Variants in TMEM67 observed in about 807,000 individuals in gnomAD.
The protein encoded by TMEM67 is transmembrane protein 67.
A neutral mutation model predicts 136.6 loss-of-function variants in TMEM67; 124 were observed. That is an observed-to-expected ratio of 0.91 (90% CI 0.78 to 1.05). The LOEUF (loss-of-function observed/expected upper bound fraction) is 1.05, where lower values mean the gene tolerates loss of function less well. Ranked by LOEUF, TMEM67 falls within the 50% of genes least tolerant of loss-of-function variation. The pLI is 0.00. For synonymous variants in TMEM67, 364 were observed against 390.5 expected, an observed-to-expected ratio of 0.93 and a Z score of 0.80; for missense variants, 1,107 against 1,178.4, an observed-to-expected ratio of 0.94 and a Z score of 0.89.
At chr8:93,796,554 C>T (rs1286873723) in intron 18 of TMEM67, among the ~76,000 whole-genome samples, 1 of 152,164 alleles carries the variant, frequency 6.6e-6, no homozygotes, top group Non-Finnish European at 1.5e-5. Flanking sequence ...GTATCTCATA[C>T]TTAGATTTTT....
At chr8:93,798,919 A>G (rs1563473366) in intron 20 of TMEM67, among the ~76,000 whole-genome samples, 1 of 148,874 alleles carries the variant, frequency 6.7e-6, no homozygotes, top group Admixed American at 6.7e-5. Context: ...GTTACCTCAC[A>G]TCTTTTCTTT....
Position 93,768,723 on chromosome 8 carries a change from G to C in TMEM67, c.651+3077G>C, listed in dbSNP as rs577616980. On this transcript the variant is annotated intron_variant, in intron 6 of 27. Coordinates refer to ENST00000453321, the MANE Select transcript of TMEM67 (RefSeq NM_153704.6). ...TAAGTTTTAAGTATCTTCTCCAGGG[G>C]TGAGGAATCTGGGGTTCATTATCCT... 5.9e-5 allele frequency among the ~76,000 whole-genome samples: 9 copies of C among 152,170 alleles called. No individual in the cohort carries two copies. The South Asian group carries it at 1.9e-3, about 32-fold the overall frequency.
At chr8:93,756,109 G>C (rs1046118157) in intron 2 of TMEM67, 2 of 379,644 alleles carry the variant, frequency 5.3e-6, no homozygotes, top group African/African-American at 2.1e-5. Context: ...AAAAATTTAA[G>C]TTTTTGTTTT....
At chr8:93,776,337 C>G (rs1813540411) in intron 7 of TMEM67, among the ~76,000 whole-genome samples, 1 of 152,108 alleles carries the variant, frequency 6.6e-6, no homozygotes, top group African/African-American at 2.4e-5. Context: ...ATTGAATACC[C>G]TTTATTTCTT....
chr8:93,791,107 T>A, intron 14 of TMEM67, 156 bp from the exon 15 acceptor site: 1 of 585,756 alleles, frequency 1.7e-6, no homozygotes. Context: ...AAAGCATATC[T>A]ATTTACGTGT....
chr8:93,769,752 G>A (rs13271723), intron 6 of TMEM67: 17,320 of 161,808 alleles, frequency 0.11, 1,027 homozygotes, highest in Middle Eastern at 0.13. Context: ...AAACTTAGAC[G>A]AGATTAGATT....
At chr8:93,774,048 C>G (rs760757580) in intron 7 of TMEM67, among the ~76,000 whole-genome samples, 19 of 151,248 alleles carry the variant, frequency 1.3e-4, no homozygotes, top group Non-Finnish European at 2.4e-4. Flanking sequence ...TGAGACGGAG[C>G]CTCACCCTGT....
chr8:93,806,799 G>A (rs1815168797), intron 23 of TMEM67, among the ~76,000 whole-genome samples: 1 of 152,052 alleles, frequency 6.6e-6, no homozygotes, highest in Admixed American at 6.6e-5. Context: ...GAATATTTCA[G>A]ACTGGGAGAT....
chr8:93,759,894 C>A (rs62525165), intron 3 of TMEM67: 1 of 1,249,904 alleles, frequency 8.0e-7, no homozygotes, highest in East Asian at 2.6e-5. Flanking sequence ...GGTGATCTGC[C>A]TGCCTCAGCC....
Position 93,758,546 on chromosome 8 carries a change from A to G in TMEM67, c.376A>G (p.Lys126Glu). ...CCCTAGTGACTTAACTGCCGAAGGA[A>G]AATGTCACTGTCCCATTGGCCATAT... ...SCPSDLTAEG[K>E]CHCPIGHILV... Residue 126 changes from lysine (K) to glutamate (E), a missense_variant, in exon 3 of 28, where the codon AAA (lysine) becomes GAA (glutamate). Physicochemically the swap from Lys to Glu is moderately conservative, Grantham distance 56. Coordinates refer to ENST00000453321, the MANE Select transcript of TMEM67 (RefSeq NM_153704.6). 1 of 1,614,038 alleles carries G rather than the reference A, an allele frequency of 6.2e-7. No homozygotes were observed. The highest frequency in any genetic ancestry group is 8.5e-7 in the Non-Finnish European group (1 of 1,179,912).
In TMEM67 at chr8:93,772,651, G is replaced by A. The variant is rs1038920023; in HGVS notation, c.714G>A (p.Trp238Ter). The change falls in exon 7 of 28, where the codon TGG becomes TGA. Residue 238 changes from tryptophan (W) to a stop codon, truncating the protein, a stop_gained and splice_region_variant. Transcript: ENST00000453321. LOFTEE classifies it high-confidence loss of function. ...KYLQSSAAAC[W>*]VYANLTSCQA... is the part of the protein sequence containing the mutation. Reference sequence around the variant, plus strand: ...TGCAATCATCAGCAGCTGCATGTTGGGTAAGTTTGAATTTTTTAAATAAAT... The same window carrying A: ...TGCAATCATCAGCAGCTGCATGTTGAGTAAGTTTGAATTTTTTAAATAAAT... The A allele has an allele frequency of 3.1e-6, 5 of 1,609,550 alleles. No homozygotes were observed. Among genetic ancestry groups the A allele is most frequent in the Non-Finnish European group, 4.2e-6 (5 of 1,177,166 alleles).
At chr8:93,778,259 G>T (rs966304603) in intron 7 of TMEM67, among the ~76,000 whole-genome samples, 2 of 152,182 alleles carry the variant, frequency 1.3e-5, no homozygotes, top group Non-Finnish European at 2.9e-5. Flanking sequence ...TTGCACGTGA[G>T]ATGGGTCTCC....
At chr8:93,823,205 T>C (rs563733450), downstream of TMEM67, among the ~76,000 whole-genome samples, 4 of 152,362 alleles carry the variant, frequency 2.6e-5, no homozygotes, top group East Asian at 7.7e-4. Context: ...AATCAACTTG[T>C]CAGCCTGGCT....
At chr8:93,795,835 A>G in intron 17 of TMEM67, 66 bp from the exon 18 acceptor site, 2 of 1,334,388 alleles carry the variant, frequency 1.5e-6, no homozygotes, top group Admixed American at 1.9e-5. Context: ...AACGAAAACA[A>G]AAAACAAACA....
rs1563459358 is a variant in TMEM67 at position 93,781,714 on chromosome 8, G to C, written c.1035G>C (p.Lys345Asn). The C allele has an allele frequency of 6.2e-7, 1 of 1,610,194 alleles. No individual in the cohort carries two copies. The highest frequency in any genetic ancestry group is 2.2e-5 in the East Asian group (1 of 44,732). Residue 345 changes from lysine (K) to asparagine (N), a missense_variant, in exon 10 of 28, where the codon AAG becomes AAC. Lys to Asn is a moderately conservative substitution (Grantham distance 94). This residue lies in a region of TMEM67 where 925 missense variants were observed against 1,002.4 expected (regional missense o/e 0.92). Transcript: ENST00000453321. ...ASYDIRGNFL[K>N]WQTLEGGVLQ... ...ATGATATAAGAGGAAATTTTCTCAA[G>C]TGGCAAACTTTAGAAGGAGGTGTTT...
chr8:93,783,384 T>C lies in TMEM67; in HGVS notation c.1131+924T>C, dbSNP rs546474689. ...AAAAAGTAATGCTTACTTCTGAGCA[T>C]TTTGAAATAAAGTAAAAATACTACT... On this transcript the variant is annotated intron_variant, in intron 11 of 27. Coordinates refer to ENST00000453321, the MANE Select transcript of TMEM67 (RefSeq NM_153704.6). Among the ~76,000 whole-genome samples, 9 of 152,342 alleles carry C rather than the reference T, an allele frequency of 5.9e-5. No homozygotes were observed. The South Asian group carries it at 8.3e-4, about 14-fold the overall frequency.
chr8:93,797,281 G>C, intron 19 of TMEM67, 48 bp downstream of exon 19: 1 of 1,613,130 alleles, frequency 6.2e-7, no homozygotes. Context: ...TGCTACCCTT[G>C]CAGAGCAAAG....
chr8:93,792,240 C>T (rs1396760585), intron 15 of TMEM67, among the ~76,000 whole-genome samples: 2 of 151,446 alleles, frequency 1.3e-5, no homozygotes, highest in African/African-American at 2.4e-5. Flanking sequence ...GGCGCTATCT[C>T]GGCCCACTGC....
intron 6 of TMEM67, among the ~76,000 whole-genome samples, chr8:93,770,846 CT>C (rs1813296331): frequency 6.6e-6 from 1 of 152,028 alleles, no homozygotes; most frequent in South Asian, 2.1e-4. Flanking sequence ...GAAACCCCAT[CT>C]CTACTGAAAA....
Sources: allele counts gnomAD v4.1 joint callset (sites outside exome capture counted in the v4.1 genomes callset), GRCh38; gene constraint gnomAD v4.1.1; regional missense constraint gnomAD v4.1.1; transcripts MANE v1.5; gene names NCBI Gene and HGNC (gene_info 2026-07-23, HGNC 2026-07-21).